The following MAGI2 variants were observed in gnomAD, a reference collection of about 807,000 sequenced individuals.
MAGI2 encodes membrane-associated guanylate kinase, WW and PDZ domain-containing protein 2.
A neutral mutation model predicts 133.3 loss-of-function variants in MAGI2; 35 were observed. The ratio of observed to expected loss-of-function variants is 0.26; its 90% CI spans 0.20 to 0.35. MAGI2 has a LOEUF of 0.35. Ranked by LOEUF, MAGI2 falls within the 10% of genes least tolerant of loss-of-function variation. The pLI is 1.00. For missense variants in MAGI2, 1,636 were observed against 1,863.4 expected, an observed-to-expected ratio of 0.88 and a Z score of 2.25; for synonymous variants, 729 against 710.6, an observed-to-expected ratio of 1.03 and a Z score of -0.41.
At chr7:78,750,217 T>G (rs1476975310) in intron 2 of MAGI2, among the ~76,000 whole-genome samples, 3 of 152,204 alleles carry the variant, frequency 2.0e-5, no homozygotes, top group Non-Finnish European at 4.4e-5. Context: ...GAACTCACCC[T>G]TTTTTACGGC....
At chr7:78,340,000 T>A (rs1790185952) in intron 9 of MAGI2, among the ~76,000 whole-genome samples, 1 of 152,190 alleles carries the variant, frequency 6.6e-6, no homozygotes, top group Non-Finnish European at 1.5e-5. Context: ...AAATTAAAAA[T>A]GTCAGATGAA....
intron 21 of MAGI2, among the ~76,000 whole-genome samples, chr7:78,022,445 G>A (rs1808491776): frequency 6.6e-6 from 1 of 152,208 alleles, no homozygotes. Context: ...ATTTCCTGAA[G>A]GAGGAATTGA....
intron 3 of MAGI2, among the ~76,000 whole-genome samples, chr7:78,579,013 CCTT>C (rs1333728346): frequency 2.6e-5 from 4 of 152,328 alleles, no homozygotes; most frequent in Admixed American, 2.6e-4. Context: ...CTACAGTCAG[CCTT>C]CTATTCCCAT....
At chr7:78,164,328 G>A (rs1239241816) in intron 15 of MAGI2, among the ~76,000 whole-genome samples, 1 of 152,240 alleles carries the variant, frequency 6.6e-6, no homozygotes, top group Non-Finnish European at 1.5e-5. Flanking sequence ...GCATGGCTGA[G>A]GCAATGGGAT....
chr7:78,527,006 CAAAAAAA>C (rs55707442), intron 3 of MAGI2, among the ~76,000 whole-genome samples: 64 of 45,424 alleles, frequency 1.4e-3, no homozygotes, highest in African/African-American at 3.6e-3. Flanking sequence ...GACTCCATCT[CAAAAAAA>C]AAAAAAAAAA....
intron 2 of MAGI2, among the ~76,000 whole-genome samples, chr7:78,867,556 G>A (rs1380654964): frequency 7.3e-6 from 1 of 137,664 alleles, no homozygotes; most frequent in African/African-American, 2.7e-5. Context: ...TGGGGGGAGG[G>A]GGGAGGGATA....
At chr7:78,415,912 TATG>T (rs1318857735) in intron 6 of MAGI2, among the ~76,000 whole-genome samples, 1 of 152,142 alleles carries the variant, frequency 6.6e-6, no homozygotes, top group Non-Finnish European at 1.5e-5. Flanking sequence ...CAATCCTTTG[TATG>T]ATGATGAGGC....
chr7:78,769,612 C>G (rs926991990), intron 2 of MAGI2, among the ~76,000 whole-genome samples: 3 of 152,066 alleles, frequency 2.0e-5, no homozygotes, highest in Non-Finnish European at 2.9e-5. Context: ...AGGAACGGCT[C>G]GACTACTCAA....
chr7:79,400,090 T>TC (rs1187431788), intron 1 of MAGI2, among the ~76,000 whole-genome samples: 3 of 152,152 alleles, frequency 2.0e-5, no homozygotes, highest in African/African-American at 7.2e-5. Context: ...AGCCCATTTT[T>TC]CTCGACCCTT....
rs530483416 is a variant in MAGI2 at position 78,564,073 on chromosome 7, G to T, written c.539-42428C>A. Among the ~76,000 whole-genome samples, 22 of 152,074 alleles carry T rather than the reference G, an allele frequency of 1.4e-4. No individual in the cohort carries two copies. The South Asian group carries it at 1.7e-3, about 11-fold the overall frequency. On this transcript the variant is annotated intron_variant, in intron 3 of 21. Transcript: ENST00000354212. ...AACTGTAAATTTTCAAATTTTGTAG[G>T]TATGGGAGACACATCAACTCTAAAA...
chr7:78,437,939 A>C (rs534759876), intron 6 of MAGI2, among the ~76,000 whole-genome samples: 2 of 152,302 alleles, frequency 1.3e-5, no homozygotes, highest in Admixed American at 6.5e-5. Context: ...ATTCCTGAGA[A>C]GTTTCAGAAT....
At chr7:78,441,974 T>C (rs1357342749) in intron 6 of MAGI2, among the ~76,000 whole-genome samples, 1 of 152,150 alleles carries the variant, frequency 6.6e-6, no homozygotes, top group East Asian at 1.9e-4. Context: ...CTCCAGCTCC[T>C]AGCCCAGCTG....
chr7:78,159,230 G>T (rs909089127), intron 16 of MAGI2, among the ~76,000 whole-genome samples: 3 of 152,108 alleles, frequency 2.0e-5, no homozygotes, highest in Non-Finnish European at 4.4e-5. Flanking sequence ...GCTAGGCAGC[G>T]GGCAATGTGA....
intron 18 of MAGI2, among the ~76,000 whole-genome samples, chr7:78,132,567 C>T (rs149842323): frequency 1.7e-3 from 252 of 152,352 alleles, no homozygotes; most frequent in Non-Finnish European, 2.6e-3. Flanking sequence ...TGCAGGCTTG[C>T]GCCTGCCAGG....
rs10452969 is a variant in MAGI2, at chr7:78,718,110, A to G, written c.419-90871T>C. Among the ~76,000 whole-genome samples, 1,425 of 152,332 alleles carry G rather than the reference A, an allele frequency of 9.4e-3. 27 individuals carry two copies. The highest frequency in any genetic ancestry group is 0.033 in the African/African-American group (1,357 of 41,562). On this transcript the variant is annotated intron_variant, in intron 2 of 21. Coordinates refer to ENST00000354212, the MANE Select transcript of MAGI2 (RefSeq NM_012301.4). Reference sequence around the variant, plus strand: ...TTAGAGCACCAGCTAATTCATGCTTATTAAGTAGAAAAGCAATGGCAACTA... The same window carrying G: ...TTAGAGCACCAGCTAATTCATGCTTGTTAAGTAGAAAAGCAATGGCAACTA...
intron 1 of MAGI2, among the ~76,000 whole-genome samples, chr7:79,184,272 T>C (rs1585142835): frequency 6.6e-6 from 1 of 151,550 alleles, no homozygotes; most frequent in East Asian, 1.9e-4. Context: ...ATAATTATTA[T>C]TGGTCAATTA....
At chr7:78,578,818 C>A (rs150311664) in intron 3 of MAGI2, among the ~76,000 whole-genome samples, 1 of 152,176 alleles carries the variant, frequency 6.6e-6, no homozygotes, top group Non-Finnish European at 1.5e-5. Context: ...CATTATCCCT[C>A]GGGGTTGACC....
intron 2 of MAGI2, among the ~76,000 whole-genome samples, chr7:79,001,992 C>G (rs1806905784): frequency 6.6e-6 from 1 of 152,164 alleles, no homozygotes; most frequent in African/African-American, 2.4e-5. Context: ...GTCTTTATCA[C>G]ATTCTAGATG....
At chr7:79,175,799 C>A (rs1176619558) in intron 1 of MAGI2, among the ~76,000 whole-genome samples, 1 of 151,962 alleles carries the variant, frequency 6.6e-6, no homozygotes, top group Admixed American at 6.6e-5. Flanking sequence ...AAAAGATACA[C>A]TATTATAATC....
Sources: gnomAD v4.1 joint callset for allele counts (sites outside exome capture counted in the v4.1 genomes callset) on GRCh38, gnomAD v4.1.1 for gene constraint, MANE v1.5 for transcripts, NCBI Gene and HGNC (gene_info 2026-07-23, HGNC 2026-07-21) for gene names.